The following CAMK1D variants were observed in gnomAD, a reference collection of about 807,000 sequenced individuals.
CAMK1D encodes calcium/calmodulin dependent protein kinase ID.
In CAMK1D, 9 loss-of-function variants were observed where a neutral mutation model predicts 47.7. That is an observed-to-expected ratio of 0.19 (90% CI 0.11 to 0.33). The LOEUF (loss-of-function observed/expected upper bound fraction) is 0.33. CAMK1D is among the 10% of genes least tolerant of loss of function. The pLI, the probability that CAMK1D is intolerant of heterozygous loss-of-function variation, is 1.00. For synonymous variants in CAMK1D, 184 were observed against 184.9 expected (o/e 0.99, Z 0.04); for missense variants, 291 against 488.7 (o/e 0.60, Z 3.81).
At chr10:12,575,156 G>A (rs1164663720) in intron 2 of CAMK1D, among the ~76,000 whole-genome samples, 1 of 151,944 alleles carries the variant, frequency 6.6e-6, no homozygotes, top group African/African-American at 2.4e-5. Flanking sequence ...GTAGTGGCAC[G>A]ATCTTGGCTC....
At chr10:12,477,939 T>G (rs1348861203) in intron 1 of CAMK1D, among the ~76,000 whole-genome samples, 1 of 152,140 alleles carries the variant, frequency 6.6e-6, no homozygotes, top group Non-Finnish European at 1.5e-5. Flanking sequence ...TCTCCTTAGT[T>G]CCTGAATTCT....
chr10:12,743,159 C>T (rs1355668129), intron 3 of CAMK1D, among the ~76,000 whole-genome samples: 1 of 151,844 alleles, frequency 6.6e-6, no homozygotes. Context: ...CCTGGCTGGC[C>T]AACATGATGA....
intron 1 of CAMK1D, among the ~76,000 whole-genome samples, chr10:12,387,422 A>G (rs1418068585): frequency 1.2e-5 from 1 of 84,460 alleles, no homozygotes; most frequent in Non-Finnish European, 2.3e-5. Context: ...TATATTTTAT[A>G]TATTTTATAT....
At chr10:12,814,059 G>A (rs1215415701) in intron 6 of CAMK1D, 136 bp from the exon 7 acceptor site, 1 of 594,598 alleles carries the variant, frequency 1.7e-6, no homozygotes, top group Non-Finnish European at 3.0e-6. Flanking sequence ...AAATTGCTGG[G>A]ATTACCTGCG....
chr10:12,688,573 C>T (rs1018049027), intron 3 of CAMK1D, among the ~76,000 whole-genome samples: 2 of 152,104 alleles, frequency 1.3e-5, no homozygotes, highest in Non-Finnish European at 2.9e-5. Context: ...CAAAGGAGGT[C>T]GTGACGTTGT....
At chr10:12,793,033 C>A (rs1770058943) in intron 6 of CAMK1D, among the ~76,000 whole-genome samples, 1 of 151,914 alleles carries the variant, frequency 6.6e-6, no homozygotes, top group South Asian at 2.1e-4. Context: ...TGGTCATTGT[C>A]CTGGGTAAGC....
chr10:12,407,849 C>CT (rs1347791228), intron 1 of CAMK1D, among the ~76,000 whole-genome samples: 4,146 of 125,754 alleles, frequency 0.033, 279 homozygotes, highest in African/African-American at 0.05. Context: ...TTGGCTGACT[C>CT]TTTTTTTTTT....
chr10:12,632,453 G>T (rs1588712401), intron 2 of CAMK1D, among the ~76,000 whole-genome samples: 2 of 152,246 alleles, frequency 1.3e-5, no homozygotes. Flanking sequence ...GGATCAGGGT[G>T]GGCCCTTGCA....
At chr10:12,648,767 G>A (rs978243211) in intron 2 of CAMK1D, among the ~76,000 whole-genome samples, 4 of 152,046 alleles carry the variant, frequency 2.6e-5, no homozygotes, top group Non-Finnish European at 5.9e-5. Context: ...CACCACACCC[G>A]GTCTCTCTTT....
intron 3 of CAMK1D, among the ~76,000 whole-genome samples, chr10:12,670,324 T>A (rs898257618): frequency 6.6e-6 from 1 of 152,124 alleles, no homozygotes; most frequent in African/African-American, 2.4e-5. Flanking sequence ...TATATCTTCT[T>A]TTATGAAGTG....
intron 1 of CAMK1D, among the ~76,000 whole-genome samples, chr10:12,366,522 G>A (rs186351053): frequency 3.9e-3 from 588 of 151,900 alleles, no homozygotes; most frequent in Non-Finnish European, 6.4e-3. Context: ...AGCCAGGCCT[G>A]GTAGCGCATG....
At chr10:12,565,752 AT>A (rs373558780) in intron 2 of CAMK1D, among the ~76,000 whole-genome samples, 190 of 152,214 alleles carry the variant, frequency 1.2e-3, no homozygotes, top group African/African-American at 4.5e-3. Context: ...TATTTAAGAC[AT>A]TTTTAGGGGC....
intron 2 of CAMK1D, among the ~76,000 whole-genome samples, chr10:12,644,892 C>A (rs985904634): frequency 1.3e-5 from 2 of 152,044 alleles, no homozygotes; most frequent in Non-Finnish European, 2.9e-5. Context: ...AATGTGTGTT[C>A]AATGGCTTAC....
intron 1 of CAMK1D, among the ~76,000 whole-genome samples, chr10:12,388,895 G>A (rs145508399): frequency 6.6e-6 from 1 of 152,322 alleles, no homozygotes; most frequent in South Asian, 2.1e-4. Context: ...GTTCTAGAAA[G>A]CCTGTCGTTG....
At chr10:12,685,353 C>T (rs11812574) in intron 3 of CAMK1D, among the ~76,000 whole-genome samples, 2,382 of 152,236 alleles carry the variant, frequency 0.016, 70 homozygotes, top group African/African-American at 0.055. Context: ...GTACTAGAAC[C>T]TTTAGTGACC....
intron 1 of CAMK1D, among the ~76,000 whole-genome samples, chr10:12,521,956 T>C (rs1331615101): frequency 6.7e-6 from 1 of 150,360 alleles, no homozygotes; most frequent in Admixed American, 6.7e-5. Context: ...ACCTTATATA[T>C]ATATCATTAT....
At chr10:12,603,984 T>C (rs1838378527) in intron 2 of CAMK1D, among the ~76,000 whole-genome samples, 1 of 152,200 alleles carries the variant, frequency 6.6e-6, no homozygotes, top group Non-Finnish European at 1.5e-5. Context: ...GAAAAATGCA[T>C]GCCTGCTTCA....
intron 3 of CAMK1D, among the ~76,000 whole-genome samples, chr10:12,705,676 C>T (rs1440537175): frequency 1.3e-5 from 2 of 152,166 alleles, no homozygotes; most frequent in Admixed American, 1.3e-4. Flanking sequence ...AAACAAAGGA[C>T]ATTGCCCCTA....
intron 1 of CAMK1D, among the ~76,000 whole-genome samples, chr10:12,361,545 CTTTTTTT>C (rs36015215): frequency 4.8e-5 from 3 of 63,086 alleles, no homozygotes; most frequent in South Asian, 8.4e-4. Context: ...GTGCCTGGCC[CTTTTTTT>C]TTTTTTTTTT....
Sources: allele counts gnomAD v4.1 joint callset (sites outside exome capture counted in the v4.1 genomes callset), GRCh38; gene constraint gnomAD v4.1.1; transcripts MANE v1.5; gene names NCBI Gene and HGNC (gene_info 2026-07-23, HGNC 2026-07-21).